Variants in TSC2 observed in about 807,000 individuals in gnomAD.
The protein encoded by TSC2 is tuberin.
In TSC2, 29 loss-of-function variants were observed where a neutral mutation model predicts 202.2. That is an observed-to-expected ratio of 0.14 (90% CI 0.11 to 0.20). TSC2 has a LOEUF of 0.20. Ranked by LOEUF, TSC2 falls within the 10% of genes least tolerant of loss-of-function variation. The pLI is 1.00. For missense variants in TSC2, 2,429 were observed against 2,420.0 expected, an observed-to-expected ratio of 1.00 and a Z score of -0.08; for synonymous variants, 1,349 against 1,044.0, an observed-to-expected ratio of 1.29 and a Z score of -5.63.
intron 32 of TSC2, chr16:2,082,867 C>T: frequency 4.8e-6 from 2 of 417,850 alleles, no homozygotes; most frequent in East Asian, 1.0e-4. Flanking sequence ...CCGAGCGGGC[C>T]TTGCCCTGGC....
At chr16:2,065,464 G>A (rs1040260838) in intron 15 of TSC2, 55 bp from the exon 16 acceptor site, 27 of 1,312,706 alleles carry the variant, frequency 2.1e-5, no homozygotes, top group South Asian at 1.6e-4. Flanking sequence ...GTGTTCTCAC[G>A]GCTGCTGACT....
intron 38 of TSC2, 93 bp from the exon 39 acceptor site, chr16:2,087,770 T>C (rs867682827): frequency 6.9e-7 from 1 of 1,458,882 alleles, no homozygotes; most frequent in African/African-American, 1.4e-5. Flanking sequence ...CCCATGGAGC[T>C]GACAGGTGTC....
chr16:2,062,943 A>C (rs1005799298), intron 13 of TSC2, 29 bp from the exon 14 acceptor site: 3 of 1,545,888 alleles, frequency 1.9e-6, no homozygotes, highest in Non-Finnish European at 8.7e-7. Context: ...GGCACTCCCC[A>C]CCCGCCCCAG....
intron 3 of TSC2, among the ~76,000 whole-genome samples, chr16:2,050,703 T>G (rs575115242): frequency 1.3e-5 from 2 of 151,130 alleles, no homozygotes; most frequent in South Asian, 4.2e-4. Context: ...GCAGTTCTCC[T>G]GCCTCAGCCT....
At chr16:2,050,959 A>G (rs1472232688) in intron 3 of TSC2, among the ~76,000 whole-genome samples, 2 of 152,230 alleles carry the variant, frequency 1.3e-5, no homozygotes, top group African/African-American at 4.8e-5. Context: ...CCCCGAATAC[A>G]ACCTTGAGGG....
At chr16:2,055,317 G>T in intron 5 of TSC2, 85 bp from the exon 6 acceptor site, 3 of 1,063,604 alleles carry the variant, frequency 2.8e-6, no homozygotes, top group Non-Finnish European at 4.4e-6. Flanking sequence ...GACGGGTTTG[G>T]ACACACTGTC....
chr16:2,071,693 G>A (rs1368154862), intron 18 of TSC2, 77 bp downstream of exon 18: 2 of 1,601,396 alleles, frequency 1.2e-6, no homozygotes, highest in Non-Finnish European at 8.5e-7. Flanking sequence ...CTGTTTGCAT[G>A]TCTGAGGGAT....
chr16:2,082,336 T>C (rs1297852275), intron 31 of TSC2, 100 bp from the exon 32 acceptor site: 2 of 1,424,008 alleles, frequency 1.4e-6, no homozygotes, highest in African/African-American at 2.8e-5. Flanking sequence ...CCGCTGGCCC[T>C]GCCCTCTCTC....
At chr16:2,081,130 C>G (rs1157561136) in intron 30 of TSC2, 1 of 272,968 alleles carries the variant, frequency 3.7e-6, no homozygotes, top group Non-Finnish European at 7.2e-6. Context: ...CAGAGACAGT[C>G]CCGTTCTGAG....
intron 32 of TSC2, chr16:2,082,731 A>G: frequency 1.6e-6 from 1 of 616,162 alleles, no homozygotes; most frequent in Non-Finnish European, 2.9e-6. Flanking sequence ...ACGCTGTGCG[A>G]GCACTCCCGG....
intron 22 of TSC2, 127 bp from the exon 23 acceptor site, chr16:2,075,651 GCCAGGGTCGGGAAAGCCACGT>G: frequency 1.3e-6 from 1 of 774,574 alleles, no homozygotes; most frequent in South Asian, 1.5e-5. Context: ...GAGAGTTGAG[GCCAGGGTCGGGAAAGCCACGT>G]CCGTGTGGCC....
At chr16:2,084,923 G>A in intron 34 of TSC2, 28 bp from the exon 35 acceptor site, 4 of 1,612,870 alleles carry the variant, frequency 2.5e-6, no homozygotes, top group Non-Finnish European at 3.4e-6. Flanking sequence ...GCCCTCACCT[G>A]GGTGCCCACC....
rs397515221 is a variant in TSC2, at chr16:2,088,549, A to G, written c.5363A>G (p.Tyr1788Cys). 8.1e-6 allele frequency: 13 copies of G among 1,611,758 alleles called. No individual in the cohort carries two copies. The highest frequency in any genetic ancestry group is 2.2e-5 in the East Asian group (1 of 44,884). Residue 1788 changes from tyrosine to cysteine, a missense_variant, in exon 42 of 42, where the codon TAT becomes TGT. By Grantham distance (194) the Tyr-to-Cys change is radical. Coordinates refer to ENST00000219476, the MANE Select transcript of TSC2 (RefSeq NM_000548.5). The part of the protein sequence containing the change: ...AQTPAEPTPG[Y>C]EVGQRKRLIS... ...ACTCCAGCCGAGCCCACACCTGGCT[A>G]TGAGGTGGGCCAGCGGAAGCGCCTC... is the stretch of plus-strand genomic sequence containing the variant.
At position 2,089,338 on chromosome 16, in the gene TSC2, A is replaced by G. The variant is rs1195619933; in HGVS notation, c.*728A>G. 4 of 318,720 alleles carry G rather than the reference A, an allele frequency of 1.3e-5. No homozygotes were observed. Among genetic ancestry groups the G allele is most frequent in the East Asian group, 6.5e-5 (1 of 15,374 alleles). The allele number at this position is 318,720 out of a possible 1,614,324, so 19.7% of individuals were successfully genotyped here. A position where few individuals can be genotyped will look rare whatever the true frequency, so the allele number is the denominator to read the frequency against. On this transcript the variant is annotated 3_prime_UTR_variant, in exon 42 of 42. Transcript: ENST00000219476. ...GAGTACGGTAGGAACTGGAGAGGTA[A>G]TAACTTAGGGGCAGGGTGGCGGCGG...
At chr16:2,051,151 C>T (rs1242687733) in intron 3 of TSC2, among the ~76,000 whole-genome samples, 2 of 151,834 alleles carry the variant, frequency 1.3e-5, no homozygotes, top group Middle Eastern at 3.2e-3. Context: ...TGGCGAAACC[C>T]CGTCTGTACT....
rs552036992 is a variant in TSC2, at chr16:2,072,614, C to T, written c.2221-235C>T. 82 of 799,122 alleles carry T rather than the reference C, an allele frequency of 1.0e-4. 1 individual carries two copies. The East Asian group carries it at 1.8e-3, about 17-fold the overall frequency. 49.5% of individuals were successfully genotyped at this position (799,122 alleles called of 1,614,324 possible). On this transcript the variant is annotated intron_variant, in intron 20 of 41. Coordinates refer to ENST00000219476, the MANE Select transcript of TSC2 (RefSeq NM_000548.5). ...GTCACTGAATGTGGATGTCTCCCATCTGTGCTTTTCCTAAGTGGGGCTCCC... is the reference window on the plus strand; with the variant it reads ...GTCACTGAATGTGGATGTCTCCCATTTGTGCTTTTCCTAAGTGGGGCTCCC...
At chr16:2,064,526 T>C (rs541941560) in intron 15 of TSC2, 99 bp downstream of exon 15, 1 of 1,577,562 alleles carries the variant, frequency 6.3e-7, no homozygotes, top group Non-Finnish European at 8.6e-7. Context: ...AGTGACCGGA[T>C]GGCTGTGTCC....
chr16:2,061,402 G>C (rs920130756), intron 11 of TSC2: 11 of 313,630 alleles, frequency 3.5e-5, no homozygotes, highest in Admixed American at 8.6e-5. Flanking sequence ...CGCTGGGCCA[G>C]AGCATTGCCC....
chr16:2,061,720 C>G (rs1189148356), intron 11 of TSC2, 151 bp from the exon 12 acceptor site: 4 of 1,361,480 alleles, frequency 2.9e-6, no homozygotes. Context: ...GGAGCGGCCT[C>G]AGAGGGCTGG....
Sources: gnomAD v4.1 joint callset for allele counts (sites outside exome capture counted in the v4.1 genomes callset) on GRCh38, gnomAD v4.1.1 for gene constraint, MANE v1.5 for transcripts, NCBI Gene and HGNC (gene_info 2026-07-23, HGNC 2026-07-21) for gene names.